Variants in OSBPL10 observed in about 807,000 individuals in gnomAD.
OSBPL10 encodes oxysterol binding protein like 10.
In OSBPL10, 49 loss-of-function variants were observed where a neutral mutation model predicts 81.7. The ratio of observed to expected loss-of-function variants is 0.60; its 90% CI spans 0.48 to 0.76. The LOEUF is 0.76. Among genes scored for constraint, OSBPL10 ranks in the 30% least tolerant of loss-of-function variants. The pLI is 0.00. For synonymous variants in OSBPL10, 419 were observed against 383.6 expected (o/e 1.09, Z -1.08); for missense variants, 923 against 987.8 (o/e 0.93, Z 0.88).
At chr3:31,968,510 G>C (rs1328372990) in intron 1 of OSBPL10, among the ~76,000 whole-genome samples, 1 of 122,238 alleles carries the variant, frequency 8.2e-6, no homozygotes, top group African/African-American at 4.2e-5. Flanking sequence ...ATTTTGAAGG[G>C]GAAAAAAAAA....
Position 31,680,156 on chromosome 3 carries a change from A to G in OSBPL10, c.1726+3478T>C, listed in dbSNP as rs1399678741. Reference sequence around the variant, plus strand: ...TCAGAAAAGAGGCCGGTGAGGAAATACCTCTCGTTCCTCTAGCCCTGCCCC... The same window carrying G: ...TCAGAAAAGAGGCCGGTGAGGAAATGCCTCTCGTTCCTCTAGCCCTGCCCC... On this transcript the variant is annotated intron_variant, in intron 8 of 11. Transcript: ENST00000396556. 2.0e-5 allele frequency among the ~76,000 whole-genome samples: 3 copies of G among 152,064 alleles called. No homozygotes were observed. The East Asian group carries it at 5.8e-4, about 29-fold the overall frequency.
chr3:31,743,073 C>T lies in OSBPL10; in HGVS notation c.940+4837G>A, dbSNP rs191991375. Among the ~76,000 whole-genome samples, 26 of 113,566 alleles carry T rather than the reference C, an allele frequency of 2.3e-4. No individual in the cohort carries two copies. The East Asian group carries it at 6.2e-3, about 27-fold the overall frequency. 74.5% of individuals were successfully genotyped at this position (113,566 alleles called of 152,430 possible). Reference sequence around the variant, plus strand: ...TTTTTTTTTTTTAGAGAGAGTCTTGCTCTGTCCCCCAGGCTGGAACGCAGT... The same window carrying T: ...TTTTTTTTTTTTAGAGAGAGTCTTGTTCTGTCCCCCAGGCTGGAACGCAGT... On this transcript the variant is annotated intron_variant, in intron 5 of 11. Transcript: ENST00000396556.
intron 1 of OSBPL10, 21 bp downstream of exon 1, chr3:31,980,866 GGCGCGCGGTGGC>G: frequency 2.6e-6 from 4 of 1,532,626 alleles, no homozygotes; most frequent in African/African-American, 1.4e-5. Context: ...CACACACAGC[GGCGCGCGGTGGC>G]GCGGGCGGCT....
At chr3:31,829,281 T>C (rs1700174480) in intron 4 of OSBPL10, among the ~76,000 whole-genome samples, 1 of 152,200 alleles carries the variant, frequency 6.6e-6, no homozygotes, top group Non-Finnish European at 1.5e-5. Flanking sequence ...CACCATCATT[T>C]ATTTGAGAGT....
intron 3 of OSBPL10, among the ~76,000 whole-genome samples, chr3:31,854,659 C>A (rs1452680647): frequency 2.0e-5 from 3 of 152,186 alleles, no homozygotes; most frequent in African/African-American, 7.2e-5. Context: ...AAACCCACCA[C>A]GTATCCTTTA....
chr3:32,027,909 T>C (rs942705263), intron 2 of OSBPL10, among the ~76,000 whole-genome samples: 9 of 152,254 alleles, frequency 5.9e-5, no homozygotes, highest in Admixed American at 3.3e-4. Context: ...TTCTTCCTTC[T>C]TGATCTTTCC....
intron 1 of OSBPL10, among the ~76,000 whole-genome samples, chr3:31,897,541 CACTT>C (rs1198419794): frequency 1.3e-5 from 2 of 152,178 alleles, no homozygotes; most frequent in Non-Finnish European, 1.5e-5. Flanking sequence ...TGAAAGATCT[CACTT>C]AGTGCCAAAC....
chr3:31,703,523 A>G (rs368804898), intron 6 of OSBPL10: 2 of 152,230 alleles, frequency 1.3e-5, no homozygotes, highest in East Asian at 3.9e-4. Flanking sequence ...TACTAACCTC[A>G]TTAGACAGAA....
At chr3:31,666,756 T>C (rs1022930958) in intron 10 of OSBPL10, among the ~76,000 whole-genome samples, 3 of 152,208 alleles carry the variant, frequency 2.0e-5, no homozygotes, top group African/African-American at 4.8e-5. Context: ...TAATTTATAA[T>C]TAGGCATAGT....
intron 2 of OSBPL10, among the ~76,000 whole-genome samples, chr3:32,038,395 A>G (rs1438008542): frequency 6.6e-6 from 1 of 152,214 alleles, no homozygotes; most frequent in Non-Finnish European, 1.5e-5. Context: ...ATATTGGCTC[A>G]GCACAATCTC....
intron 4 of OSBPL10, among the ~76,000 whole-genome samples, chr3:31,818,401 G>A (rs1039080816): frequency 5.3e-5 from 8 of 152,228 alleles, no homozygotes; most frequent in East Asian, 1.9e-4. Flanking sequence ...CAAATTCCGC[G>A]AACCAATTCC....
At chr3:31,790,416 A>G (rs1698980820) in intron 4 of OSBPL10, among the ~76,000 whole-genome samples, 1 of 149,454 alleles carries the variant, frequency 6.7e-6, no homozygotes, top group African/African-American at 2.4e-5. Context: ...TGCGCTCAAG[A>G]AGAAATGTGT....
At chr3:31,794,340 T>G (rs531009553) in intron 4 of OSBPL10, 1 of 155,276 alleles carries the variant, frequency 6.4e-6, no homozygotes, top group Non-Finnish European at 1.4e-5. Flanking sequence ...AGATGGGGTT[T>G]CACCCTGCTG....
intron 4 of OSBPL10, among the ~76,000 whole-genome samples, chr3:31,791,455 T>C (rs1175662658): frequency 6.6e-6 from 1 of 152,202 alleles, no homozygotes; most frequent in East Asian, 1.9e-4. Flanking sequence ...CCTGAGGTTC[T>C]GACATTTTCT....
intron 3 of OSBPL10, among the ~76,000 whole-genome samples, chr3:31,830,508 C>T (rs1452824207): frequency 6.6e-6 from 1 of 152,070 alleles, no homozygotes; most frequent in Non-Finnish European, 1.5e-5. Flanking sequence ...CCACCGTCCC[C>T]GACCCACACA....
At chr3:31,757,245 C>G (rs558444072) in intron 4 of OSBPL10, among the ~76,000 whole-genome samples, 1 of 152,080 alleles carries the variant, frequency 6.6e-6, no homozygotes, top group Non-Finnish European at 1.5e-5. Flanking sequence ...TAAAGGGAAT[C>G]AAGATAAATA....
At chr3:31,946,791 C>T (rs2125436659) in intron 1 of OSBPL10, among the ~76,000 whole-genome samples, 1 of 152,266 alleles carries the variant, frequency 6.6e-6, no homozygotes. Flanking sequence ...AGGAAGTCAC[C>T]CAAGAGTTTT....
At chr3:32,015,232 T>G (rs1699302054) in intron 2 of OSBPL10, among the ~76,000 whole-genome samples, 1 of 152,158 alleles carries the variant, frequency 6.6e-6, no homozygotes. Context: ...AGCATGGTAC[T>G]GGTACCAAAA....
At chr3:31,681,421 A>T (rs988577673) in intron 8 of OSBPL10, among the ~76,000 whole-genome samples, 1 of 152,104 alleles carries the variant, frequency 6.6e-6, no homozygotes, top group Non-Finnish European at 1.5e-5. Flanking sequence ...AACCCTAAAT[A>T]AGGAGGAACT....
Sources: allele counts gnomAD v4.1 joint callset (sites outside exome capture counted in the v4.1 genomes callset), GRCh38; gene constraint gnomAD v4.1.1; transcripts MANE v1.5; gene names NCBI Gene and HGNC (gene_info 2026-07-23, HGNC 2026-07-21).